Variants in CHD2 observed in about 807,000 individuals in gnomAD.
CHD2 encodes ATP-dependent chromatin remodeler CHD2.
CHD2 carries 28 observed loss-of-function variants against 243.9 expected under a neutral mutation model. The ratio of observed to expected loss-of-function variants is 0.11; its 90% confidence interval spans 0.09 to 0.16. CHD2 has a LOEUF of 0.16. Among genes scored for constraint, CHD2 ranks in the 10% least tolerant of loss-of-function variants. The pLI, the probability that CHD2 is intolerant of heterozygous loss-of-function variation, is 1.00. For synonymous variants in CHD2, 775 were observed against 779.0 expected, an observed-to-expected ratio of 0.99 and a Z score of 0.09; for missense variants, 1,386 against 2,209.8, an observed-to-expected ratio of 0.63 and a Z score of 7.47.
At position 92,979,123 on chromosome 15, in the gene CHD2, C is replaced by G. The variant is rs544624674; in HGVS notation, c.2728-12C>G. Reference sequence around the variant, plus strand: ...GGTTCAGGCATAAGCATAACAGTTCCTTTTCCTACAGGTAAATATTTACCG... The same window carrying G: ...GGTTCAGGCATAAGCATAACAGTTCGTTTTCCTACAGGTAAATATTTACCG... On this transcript the variant is annotated splice_polypyrimidine_tract_variant and intron_variant, in intron 21 of 38. Transcript: ENST00000394196. 15 of 1,613,296 alleles carry G rather than the reference C, an allele frequency of 9.3e-6. No individual in the cohort carries two copies. In the African/African-American group the frequency reaches 1.7e-4, roughly 19 times the overall value.
chr15:93,015,757 A>G (rs1304565328), intron 37 of CHD2, among the ~76,000 whole-genome samples: 1 of 152,230 alleles, frequency 6.6e-6, no homozygotes, highest in East Asian at 1.9e-4. Flanking sequence ...ATATGAAAAA[A>G]TGCTCAGCAT....
In CHD2 at chr15:92,944,459, A is replaced by G. The variant is rs1239458224; in HGVS notation, c.1097A>G (p.Gln366Arg). ...GAAGATGTAGAATATTTCAATTGCC[A>G]ACAGGAGCTGGCTTCAGAGTTGAAT... is the stretch of plus-strand genomic sequence containing the variant. ...SPEDVEYFNC[Q>R]QELASELNKQ... The change falls in exon 10 of 39, where the codon CAA becomes CGA. Residue 366 changes from glutamine to arginine, a missense_variant. Transcript: ENST00000394196. The G allele has an allele frequency of 3.1e-6, 5 of 1,610,920 alleles. No homozygotes were observed. The highest frequency in any genetic ancestry group is 1.1e-5 in the South Asian group (1 of 90,884).
chr15:93,006,178 T>C (rs781376206), intron 34 of CHD2, among the ~76,000 whole-genome samples: 15 of 148,694 alleles, frequency 1.0e-4, no homozygotes, highest in Admixed American at 5.5e-4. Flanking sequence ...CCAGGCTGGA[T>C]TGCAGTGGCT....
intron 2 of CHD2, among the ~76,000 whole-genome samples, chr15:92,920,863 CA>C (rs1468506423): frequency 2.6e-5 from 4 of 152,302 alleles, no homozygotes; most frequent in African/African-American, 9.6e-5. Context: ...CAAAGAACAT[CA>C]AAGGAGATAT....
At chr15:92,943,851 T>G (rs1231433485) in intron 9 of CHD2, 1 of 152,334 alleles carries the variant, frequency 6.6e-6, no homozygotes, top group Non-Finnish European at 1.5e-5. Flanking sequence ...GCTACTTTAG[T>G]AAATTACATG....
rs1406117391 is a variant in CHD2, at chr15:92,913,386, TTAAC to T, written c.63-10932_63-10929del. Among the ~76,000 whole-genome samples the T allele has an allele frequency of 2.0e-5, 3 of 152,178 alleles. No individual in the cohort carries two copies. In the East Asian group the frequency reaches 5.8e-4, roughly 29 times the overall value. On this transcript the variant is annotated intron_variant, in intron 2 of 38. Coordinates refer to ENST00000394196, the MANE Select transcript of CHD2 (RefSeq NM_001271.4). ...AAATGATACTTCTAGGCAGTGGTCT[TTAAC>T]TAGTGGCAGGTTTGTCCCCTTCCAT...
At chr15:93,009,499 C>A (rs1332145458) in intron 35 of CHD2, 176 bp downstream of exon 35, 6 of 584,710 alleles carry the variant, frequency 1.0e-5, no homozygotes, top group African/African-American at 1.9e-5. Flanking sequence ...GGCCATTCCA[C>A]TGAGACCAGC....
intron 21 of CHD2, 46 bp downstream of exon 21, chr15:92,978,429 A>T (rs1275114588): frequency 2.6e-6 from 4 of 1,566,698 alleles, no homozygotes; most frequent in Admixed American, 2.1e-5. Flanking sequence ...GTTGGGGGCC[A>T]GGGGGCTTGT....
At position 93,025,007 on chromosome 15, in the gene CHD2, T is replaced by A. The variant is rs569137341; in HGVS notation, c.*302T>A. ...GTGTACCAGCTTCACTGGGATGTGT[T>A]TCCCCAGTCAAGGAACAGGGGATCT... is the stretch of plus-strand genomic sequence containing the variant. On this transcript the variant is annotated 3_prime_UTR_variant, in exon 39 of 39. Transcript: ENST00000394196. 2 of 339,748 alleles carry A rather than the reference T, an allele frequency of 5.9e-6. No homozygotes were observed. The highest frequency in any genetic ancestry group is 4.8e-5 in the Admixed American group (1 of 21,032). 21.0% of individuals were successfully genotyped at this position (339,748 alleles called of 1,614,324 possible).
intron 7 of CHD2, among the ~76,000 whole-genome samples, chr15:92,941,465 C>G (rs777724245): frequency 6.6e-6 from 1 of 151,794 alleles, no homozygotes; most frequent in Non-Finnish European, 1.5e-5. Context: ...TTTTTTCTTC[C>G]ATTATGGTTT....
intron 7 of CHD2, 86 bp downstream of exon 7, chr15:92,939,804 C>T: frequency 7.4e-7 from 1 of 1,360,096 alleles, no homozygotes; most frequent in Non-Finnish European, 9.9e-7. Flanking sequence ...CGGGGTTGTG[C>T]ACTTAATAGA....
Position 93,026,393 on chromosome 15 carries a change from C to G in CHD2, c.*1688C>G, listed in dbSNP as rs1303284045. On this transcript the variant is annotated 3_prime_UTR_variant, in exon 39 of 39. Transcript: ENST00000394196. ...GATCCCCCGAATGAAGCAGATGTGG[C>G]TGTGGTGTGACCCTTGCTCCCTGCT... is the stretch of plus-strand genomic sequence containing the variant. 6.6e-6 allele frequency: 1 copy of G among 152,492 alleles called. No individual in the cohort carries two copies. Among genetic ancestry groups the G allele is most frequent in the East Asian group, 1.9e-4 (1 of 5,190 alleles). 9.4% of individuals were successfully genotyped at this position (152,492 alleles called of 1,614,324 possible).
At chr15:92,910,259 A>G (rs1039715524) in intron 2 of CHD2, among the ~76,000 whole-genome samples, 5 of 152,060 alleles carry the variant, frequency 3.3e-5, no homozygotes, top group Non-Finnish European at 5.9e-5. Context: ...GCCTGGCTAT[A>G]TGTATATTTT....
At chr15:92,986,059 A>T (rs895775855) in intron 26 of CHD2, among the ~76,000 whole-genome samples, 1 of 152,204 alleles carries the variant, frequency 6.6e-6, no homozygotes, top group African/African-American at 2.4e-5. Context: ...CCTCCGCCAC[A>T]ATCCCACTTC....
intron 18 of CHD2, 36 bp downstream of exon 18, chr15:92,971,963 A>C (rs1455053114): frequency 1.2e-5 from 19 of 1,583,730 alleles, no homozygotes; most frequent in Non-Finnish European, 1.5e-5. Flanking sequence ...CTCAAAAAAA[A>C]CGCTTAGTTT....
rs1050656849 is a variant in CHD2 at position 93,014,968 on chromosome 15, C to T, written c.4906+59C>T. 33 of 1,402,790 alleles carry T rather than the reference C, an allele frequency of 2.4e-5. No homozygotes were observed. In the African/African-American group the frequency reaches 3.0e-4, roughly 13 times the overall value. The allele number at this position is 1,402,790 out of a possible 1,614,324, so 86.9% of individuals were successfully genotyped here. A position where few individuals can be genotyped will look rare whatever the true frequency, so the allele number is the denominator to read the frequency against. ...CCAAAAGATAAAAAATTCACACAGC[C>T]GTTTCATTTTCCAAAGACACTGGCT... On this transcript the variant is annotated intron_variant, in intron 37 of 38. Transcript: ENST00000394196.
chr15:93,000,301 A>T lies in CHD2; in HGVS notation c.4009-211A>T, dbSNP rs4778065. ...ACGAAAAAGGAATATGGACATTTTA[A>T]TGTGGTATAGGCCATGTATAAGGCC... On this transcript the variant is annotated intron_variant, in intron 31 of 38. Coordinates refer to ENST00000394196, the MANE Select transcript of CHD2 (RefSeq NM_001271.4). Among the ~76,000 whole-genome samples, 33,370 of 152,034 alleles carry T rather than the reference A, an allele frequency of 0.22. 4,147 individuals are homozygous for T. Among genetic ancestry groups the T allele is most frequent in the Middle Eastern group, 0.32 (92 of 292 alleles).
intron 2 of CHD2, among the ~76,000 whole-genome samples, chr15:92,906,480 A>G (rs1182045083): frequency 6.6e-6 from 1 of 152,270 alleles, no homozygotes; most frequent in Admixed American, 6.5e-5. Flanking sequence ...TTTTATCATT[A>G]GTTTACTCTC....
chr15:93,020,976 G>T (rs1226265302), intron 38 of CHD2: 4 of 152,350 alleles, frequency 2.6e-5, no homozygotes, highest in African/African-American at 4.8e-5. Context: ...CTCGTTGGGA[G>T]ACTGCCCCTC....
Sources: allele counts gnomAD v4.1 joint callset (sites outside exome capture counted in the v4.1 genomes callset), GRCh38; gene constraint gnomAD v4.1.1; transcripts MANE v1.5; gene names NCBI Gene and HGNC (gene_info 2026-07-23, HGNC 2026-07-21).